MACROD2: variants seen among roughly 807,000 people sequenced by gnomAD.
MACROD2 encodes the protein ADP-ribose glycohydrolase MACROD2.
MACROD2 carries 36 observed loss-of-function variants against 70.4 expected under a neutral mutation model. The ratio of observed to expected loss-of-function variants is 0.51; its 90% confidence interval spans 0.39 to 0.68. MACROD2 has a LOEUF of 0.68. Ranked by LOEUF, MACROD2 falls within the 30% of genes least tolerant of loss-of-function variation. MACROD2 has a pLI of 0.00. For missense variants in MACROD2, 496 were observed against 538.4 expected, an observed-to-expected ratio of 0.92 and a Z score of 0.78; for synonymous variants, 172 against 178.8, an observed-to-expected ratio of 0.96 and a Z score of 0.30.
intron 3 of MACROD2, among the ~76,000 whole-genome samples, chr20:14,235,983 C>T (rs2081866583): frequency 6.6e-6 from 1 of 152,018 alleles, no homozygotes; most frequent in Admixed American, 6.5e-5. Context: ...TGCCAGTTAA[C>T]CCACTGATGT....
At chr20:15,449,184 T>C (rs983479591) in intron 7 of MACROD2, among the ~76,000 whole-genome samples, 1 of 152,118 alleles carries the variant, frequency 6.6e-6, no homozygotes, top group Admixed American at 6.6e-5. Flanking sequence ...ACATACTGAA[T>C]AAATACTCAT....
At chr20:15,616,426 C>A (rs562574233) in intron 8 of MACROD2, among the ~76,000 whole-genome samples, 1 of 152,076 alleles carries the variant, frequency 6.6e-6, no homozygotes, top group Non-Finnish European at 1.5e-5. Context: ...TTTATGATAA[C>A]GTACAGTCAT....
At chr20:15,166,326 G>A (rs564308877) in intron 5 of MACROD2, among the ~76,000 whole-genome samples, 1 of 152,118 alleles carries the variant, frequency 6.6e-6, no homozygotes, top group Non-Finnish European at 1.5e-5. Context: ...GGCTTCATGA[G>A]TGAGATGAAT....
chr20:15,103,981 T>G (rs917094220), intron 5 of MACROD2, among the ~76,000 whole-genome samples: 2 of 152,134 alleles, frequency 1.3e-5, no homozygotes, highest in Non-Finnish European at 2.9e-5. Flanking sequence ...AGCAATCTGA[T>G]TTACAGTTTT....
intron 5 of MACROD2, among the ~76,000 whole-genome samples, chr20:15,169,730 A>G (rs1202123874): frequency 2.0e-5 from 3 of 152,178 alleles, no homozygotes; most frequent in African/African-American, 7.2e-5. Context: ...TAGCAAAATT[A>G]CAAGATGCTT....
At chr20:15,212,606 A>G (rs1315906219) in intron 5 of MACROD2, among the ~76,000 whole-genome samples, 1 of 152,240 alleles carries the variant, frequency 6.6e-6, no homozygotes, top group East Asian at 1.9e-4. Flanking sequence ...GGTCATTAAC[A>G]CAATATAATG....
chr20:15,011,550 T>G (rs1386113404), intron 5 of MACROD2, among the ~76,000 whole-genome samples: 1 of 152,156 alleles, frequency 6.6e-6, no homozygotes, highest in Non-Finnish European at 1.5e-5. Flanking sequence ...TTTTTGCCAC[T>G]TTTCCTGGCC....
At chr20:14,151,381 G>A (rs1281546668) in intron 3 of MACROD2, among the ~76,000 whole-genome samples, 1 of 152,070 alleles carries the variant, frequency 6.6e-6, no homozygotes, top group Non-Finnish European at 1.5e-5. Context: ...AGTATTTTGT[G>A]TGTTCTACTA....
chr20:15,045,723 T>TG lies in MACROD2; in HGVS notation c.419-184217_419-184216insG, dbSNP rs1390028974. 5.4e-5 allele frequency among the ~76,000 whole-genome samples: 7 copies of TG among 129,258 alleles called. No homozygotes were observed. The East Asian group carries it at 1.3e-3, about 25-fold the overall frequency. The allele number at this position is 129,258 out of a possible 152,430, so 84.8% of individuals were successfully genotyped here. ...ATAATTTCTCTCCAGACCAGGGTTTTTTTTTTTTTTTTTTTTTTTTTCCCT... is the reference window on the plus strand; with the variant it reads ...ATAATTTCTCTCCAGACCAGGGTTTTGTTTTTTTTTTTTTTTTTTTTTCCCT... On this transcript the variant is annotated intron_variant, in intron 5 of 17. Coordinates refer to ENST00000684519, the MANE Select transcript of MACROD2 (RefSeq NM_001351661.2).
chr20:14,948,532 C>T (rs1600861016), intron 5 of MACROD2, among the ~76,000 whole-genome samples: 1 of 152,246 alleles, frequency 6.6e-6, no homozygotes, highest in South Asian at 2.1e-4. Flanking sequence ...GGCAAAGATG[C>T]TCATACAGCA....
In MACROD2 at chr20:15,095,064, CTTTTTTTTTTTTTTTTT is replaced by C. The variant is rs373794823; in HGVS notation, c.419-134861_419-134845del. On this transcript the variant is annotated intron_variant, in intron 5 of 17. Transcript: ENST00000684519. ...TATCTTTTCACTGTGGTCTCCTCTT[CTTTTTTTTTTTTTTTTT>C]TTTTTTTTTTTTTTAGACAGAGTCT... Among the ~76,000 whole-genome samples the C allele has an allele frequency of 6.6e-4, 59 of 89,298 alleles. 2 individuals carry two copies. Among genetic ancestry groups the C allele is most frequent in the Admixed American group, 1.3e-3 (11 of 8,426 alleles). 58.6% of individuals were successfully genotyped at this position (89,298 alleles called of 152,430 possible). A position where few individuals can be genotyped will look rare whatever the true frequency, so the allele number is the denominator to read the frequency against.
intron 8 of MACROD2, among the ~76,000 whole-genome samples, chr20:15,540,993 T>G (rs1308094172): frequency 6.6e-6 from 1 of 152,164 alleles, no homozygotes; most frequent in Admixed American, 6.5e-5. Flanking sequence ...GAGACCCTAT[T>G]TGCAAATCAG....
At chr20:15,263,279 A>AT (rs957101037) in intron 6 of MACROD2, among the ~76,000 whole-genome samples, 22 of 150,074 alleles carry the variant, frequency 1.5e-4, no homozygotes, top group South Asian at 2.1e-4. Flanking sequence ...TTTTCCTAGG[A>AT]TTTTTTTTTC....
chr20:14,424,095 A>G (rs1361590589), intron 3 of MACROD2, among the ~76,000 whole-genome samples: 2 of 152,016 alleles, frequency 1.3e-5, no homozygotes, highest in East Asian at 1.9e-4. Flanking sequence ...AAATTTTTAT[A>G]TTGTCCCTTT....
At chr20:15,537,818 G>A (rs2146560381) in intron 8 of MACROD2, among the ~76,000 whole-genome samples, 1 of 152,158 alleles carries the variant, frequency 6.6e-6, no homozygotes, top group South Asian at 2.1e-4. Flanking sequence ...TCATTCTGGA[G>A]AGCCTGCCTC....
At chr20:14,261,184 G>A (rs1292262788) in intron 3 of MACROD2, among the ~76,000 whole-genome samples, 1 of 152,142 alleles carries the variant, frequency 6.6e-6, no homozygotes, top group African/African-American at 2.4e-5. Context: ...TTTAGCTGAT[G>A]AGAAAATAAA....
intron 5 of MACROD2, among the ~76,000 whole-genome samples, chr20:14,759,189 T>C (rs1300126234): frequency 6.6e-6 from 1 of 152,142 alleles, no homozygotes; most frequent in Non-Finnish European, 1.5e-5. Flanking sequence ...ATTTTTGATA[T>C]GCCATTAGAC....
At chr20:15,135,259 C>A (rs973467884) in intron 5 of MACROD2, among the ~76,000 whole-genome samples, 2 of 150,174 alleles carry the variant, frequency 1.3e-5, no homozygotes, top group East Asian at 2.0e-4. Context: ...GAGACACAAC[C>A]AAAAAAGAGA....
intron 6 of MACROD2, among the ~76,000 whole-genome samples, chr20:15,392,716 C>T (rs367599527): frequency 4.7e-4 from 71 of 152,146 alleles, no homozygotes; most frequent in African/African-American, 1.6e-3. Flanking sequence ...CTTTCCCTTG[C>T]TCTCTTCCAC....
Sources: allele counts gnomAD v4.1 joint callset (sites outside exome capture counted in the v4.1 genomes callset), GRCh38; gene constraint gnomAD v4.1.1; transcripts MANE v1.5; gene names NCBI Gene and HGNC (gene_info 2026-07-23, HGNC 2026-07-21).